The following SLC6A15 variants were observed in gnomAD, a reference collection of about 807,000 sequenced individuals.
SLC6A15 encodes the protein sodium-dependent neutral amino acid transporter B(0)AT2.
SLC6A15 carries 33 observed loss-of-function variants against 68.5 expected under a neutral mutation model. That is an observed-to-expected ratio of 0.48 (90% confidence interval 0.37 to 0.64). The LOEUF is 0.64. SLC6A15 is among the 30% of genes least tolerant of loss of function. SLC6A15 has a pLI of 0.00. For synonymous variants in SLC6A15, 347 were observed against 301.0 expected (o/e 1.15, Z -1.58); for missense variants, 747 against 874.3 (o/e 0.85, Z 1.84).
rs945678301 is a variant in SLC6A15 at position 84,912,559 on chromosome 12, C to T, written c.-225G>A. On this transcript the variant is annotated 5_prime_UTR_variant, in exon 1 of 12. Coordinates refer to ENST00000266682, the MANE Select transcript of SLC6A15 (RefSeq NM_182767.6). ...CTTGACCAAGCGCCTCTTGCTGCTT[C>T]CACGTCCGGGCAGCAGCAGCAGCAG... 2.6e-5 allele frequency: 4 copies of T among 152,548 alleles called. No individual in the cohort carries two copies. Among genetic ancestry groups the T allele is most frequent in the African/African-American group, 9.6e-5 (4 of 41,460 alleles). 9.4% of individuals were successfully genotyped at this position (152,548 alleles called of 1,614,324 possible).
At chr12:84,908,142 G>A (rs1873257540) in intron 1 of SLC6A15, among the ~76,000 whole-genome samples, 1 of 152,020 alleles carries the variant, frequency 6.6e-6, no homozygotes, top group Non-Finnish European at 1.5e-5. Flanking sequence ...TTCTGATTAG[G>A]AAGGTTTAAT....
At chr12:84,888,728 T>C (rs1486061072) in intron 2 of SLC6A15, among the ~76,000 whole-genome samples, 1 of 152,188 alleles carries the variant, frequency 6.6e-6, no homozygotes, top group Non-Finnish European at 1.5e-5. Flanking sequence ...TTCATTTATG[T>C]AACAAAAATC....
intron 1 of SLC6A15, among the ~76,000 whole-genome samples, chr12:84,905,347 T>C (rs1348506546): frequency 2.0e-5 from 3 of 152,100 alleles, no homozygotes; most frequent in Non-Finnish European, 4.4e-5. Flanking sequence ...AAAGACAAAA[T>C]TCAATGTCCA....
intron 1 of SLC6A15, among the ~76,000 whole-genome samples, chr12:84,900,802 T>C (rs1293543989): frequency 6.6e-6 from 1 of 151,518 alleles, no homozygotes; most frequent in Admixed American, 6.6e-5. Context: ...TTGGTCAAGA[T>C]GAATTACTTT....
At chr12:84,869,323 G>A (rs954553096) in intron 9 of SLC6A15, among the ~76,000 whole-genome samples, 4 of 151,954 alleles carry the variant, frequency 2.6e-5, no homozygotes, top group African/African-American at 9.7e-5. Flanking sequence ...TTAGCCAAGC[G>A]TGTTGGCACG....
At chr12:84,893,595 G>A (rs1402535633) in intron 1 of SLC6A15, among the ~76,000 whole-genome samples, 1 of 152,226 alleles carries the variant, frequency 6.6e-6, no homozygotes, top group African/African-American at 2.4e-5. Flanking sequence ...GGTAGCCCAA[G>A]AATTCCGCCC....
chr12:84,882,771 T>C (rs1871882379), intron 5 of SLC6A15: 1 of 177,256 alleles, frequency 5.6e-6, no homozygotes, highest in Non-Finnish European at 1.1e-5. Flanking sequence ...AAATTACTTC[T>C]CAAGAGTGGT....
chr12:84,873,148 A>C lies in SLC6A15; in HGVS notation c.1048T>G (p.Leu350Val), dbSNP rs146931396. ...INFFTSVLAT[L>V]VVFAVLGFKA... ...AAGCCCAGAACTGCAAACACCACCA[A>C]TGTTGCCAGGACAGAAGTGAAAAAA... The change falls in exon 7 of 12, where the codon TTG becomes GTG. Residue 350 changes from leucine (L) to valine (V), a missense_variant. Transcript: ENST00000266682. 6.2e-6 allele frequency: 10 copies of C among 1,613,976 alleles called. No homozygotes were observed. Among genetic ancestry groups the C allele is most frequent in the Non-Finnish European group, 8.5e-6 (10 of 1,179,998 alleles).
intron 5 of SLC6A15, chr12:84,882,233 G>A: frequency 1.0e-6 from 1 of 985,190 alleles, no homozygotes; most frequent in Non-Finnish European, 1.2e-6. Context: ...ATTATGTTAG[G>A]AATCATATAA....
intron 11 of SLC6A15, 99 bp downstream of exon 11, chr12:84,863,340 A>T: frequency 1.2e-6 from 1 of 854,156 alleles, no homozygotes; most frequent in Non-Finnish European, 1.8e-6. Flanking sequence ...GCCATTCATT[A>T]AACAGCAAAA....
At chr12:84,902,907 A>G (rs924838217) in intron 1 of SLC6A15, among the ~76,000 whole-genome samples, 2 of 152,140 alleles carry the variant, frequency 1.3e-5, no homozygotes, top group African/African-American at 4.8e-5. Flanking sequence ...GGTAAGGCAC[A>G]CAGGTTACTA....
chr12:84,897,705 T>C (rs1732910205), intron 1 of SLC6A15, among the ~76,000 whole-genome samples: 1 of 152,116 alleles, frequency 6.6e-6, no homozygotes, highest in African/African-American at 2.4e-5. Flanking sequence ...TAATTTGTAT[T>C]CCGATTATAA....
In SLC6A15 at chr12:84,888,629, G is replaced by T. The variant is rs150592888; in HGVS notation, c.290-2561C>A. ...ATTCAGAAGGGGAAAATTGGGATGGGGGATACGGTTAAAAAACTACATATT... is the reference window on the plus strand; with the variant it reads ...ATTCAGAAGGGGAAAATTGGGATGGTGGATACGGTTAAAAAACTACATATT... On this transcript the variant is annotated intron_variant, in intron 2 of 11. Transcript: ENST00000266682. Among the ~76,000 whole-genome samples the T allele has an allele frequency of 6.6e-3, 1,000 of 152,106 alleles. 4 individuals carry two copies. The highest frequency in any genetic ancestry group is 0.019 in the African/African-American group (802 of 41,494).
intron 1 of SLC6A15, among the ~76,000 whole-genome samples, 181 bp from the exon 2 acceptor site, chr12:84,892,489 T>C (rs1244823603): frequency 6.6e-6 from 1 of 152,194 alleles, no homozygotes; most frequent in African/African-American, 2.4e-5. Context: ...ACTTATGAGC[T>C]TCAAATACAA....
intron 8 of SLC6A15, 86 bp from the exon 9 acceptor site, chr12:84,870,756 T>A: frequency 2.7e-6 from 2 of 754,272 alleles, no homozygotes; most frequent in Non-Finnish European, 4.1e-6. Context: ...GGAGGAAAGA[T>A]CTCTGAATAA....
rs1870773357 is a variant in SLC6A15 at position 84,859,872 on chromosome 12, T to C, written c.*1760A>G. ...GCTGTCATTTATGTAATATATTGTATTTCCAGAAGGATACAGAAGAAACTG... is the reference window on the plus strand; with the variant it reads ...GCTGTCATTTATGTAATATATTGTACTTCCAGAAGGATACAGAAGAAACTG... On this transcript the variant is annotated 3_prime_UTR_variant, in exon 12 of 12. Coordinates refer to ENST00000266682, the MANE Select transcript of SLC6A15 (RefSeq NM_182767.6). 6.6e-6 allele frequency: 1 copy of C among 152,054 alleles called. No individual in the cohort carries two copies. Among genetic ancestry groups the C allele is most frequent in the Admixed American group, 6.6e-5 (1 of 15,254 alleles). The allele number at this position is 152,054 out of a possible 1,614,324, so 9.4% of individuals were successfully genotyped here. A position where few individuals can be genotyped will look rare whatever the true frequency, so the allele number is the denominator to read the frequency against.
At chr12:84,897,652 A>G (rs1311767378) in intron 1 of SLC6A15, among the ~76,000 whole-genome samples, 1 of 152,178 alleles carries the variant, frequency 6.6e-6, no homozygotes, top group Non-Finnish European at 1.5e-5. Flanking sequence ...TAATTTCAAT[A>G]AAACTAAGAG....
At chr12:84,895,827 TC>T (rs1244282797) in intron 1 of SLC6A15, among the ~76,000 whole-genome samples, 5 of 152,184 alleles carry the variant, frequency 3.3e-5, no homozygotes, top group Non-Finnish European at 7.3e-5. Context: ...AGAGTAACTT[TC>T]TTGAAGGATA....
chr12:84,891,138 A>G (rs189486526), intron 2 of SLC6A15, among the ~76,000 whole-genome samples: 1 of 152,316 alleles, frequency 6.6e-6, no homozygotes, highest in East Asian at 1.9e-4. Context: ...GTACAAATGT[A>G]AATATTAATA....
Sources: allele counts gnomAD v4.1 joint callset (sites outside exome capture counted in the v4.1 genomes callset), GRCh38; gene constraint gnomAD v4.1.1; transcripts MANE v1.5; gene names NCBI Gene and HGNC (gene_info 2026-07-23, HGNC 2026-07-21).